ITPR1: variants seen among roughly 807,000 people sequenced by gnomAD.
ITPR1 encodes the protein inositol 1,4,5-trisphosphate-gated calcium channel ITPR1.
A neutral mutation model predicts 318.4 loss-of-function variants in ITPR1; 96 were observed. That is an observed-to-expected ratio of 0.30 (90% CI 0.26 to 0.36). ITPR1 has a LOEUF of 0.36. Ranked by LOEUF, ITPR1 falls within the 10% of genes least tolerant of loss-of-function variation. ITPR1 has a pLI of 1.00. For synonymous variants in ITPR1, 1,312 were observed against 1,289.9 expected (o/e 1.02, Z -0.37); for missense variants, 2,440 against 3,460.2 (o/e 0.71, Z 7.40).
At chr3:4,765,826 AAAAC>A (rs1274722881) in intron 44 of ITPR1, among the ~76,000 whole-genome samples, 1 of 152,214 alleles carries the variant, frequency 6.6e-6, no homozygotes, top group Non-Finnish European at 1.5e-5. Flanking sequence ...AGAGGGTCCA[AAAAC>A]AAATGTGTAT....
chr3:4,543,099 C>A (rs1045283471), intron 4 of ITPR1, among the ~76,000 whole-genome samples: 2 of 151,852 alleles, frequency 1.3e-5, no homozygotes, highest in African/African-American at 4.8e-5. Flanking sequence ...AAAGACTGAT[C>A]CGTGTTTGAA....
Position 4,653,970 on chromosome 3 carries a change from G to T in ITPR1, c.996+84G>T, listed in dbSNP as rs1304120169. 7.2e-6 allele frequency: 7 copies of T among 974,332 alleles called. No homozygotes were observed. The East Asian group carries it at 1.8e-4, about 25-fold the overall frequency. The allele number at this position is 974,332 out of a possible 1,614,324, so 60.4% of individuals were successfully genotyped here. On this transcript the variant is annotated intron_variant, in intron 12 of 61. Coordinates refer to ENST00000649015, the MANE Select transcript of ITPR1 (RefSeq NM_001378452.1). ...GAGCTCCATTTAAGAAACTGTCACT[G>T]TGGTCACGGAGTGCTGGGGAAGGAG...
intron 4 of ITPR1, among the ~76,000 whole-genome samples, chr3:4,589,870 G>A (rs1191518294): frequency 6.6e-6 from 1 of 152,166 alleles, no homozygotes; most frequent in Non-Finnish European, 1.5e-5. Context: ...GAGAACAGCT[G>A]TATGAGAAGA....
chr3:4,775,894 T>A (rs1424545959), intron 47 of ITPR1, among the ~76,000 whole-genome samples: 1 of 152,178 alleles, frequency 6.6e-6, no homozygotes, highest in Non-Finnish European at 1.5e-5. Flanking sequence ...TTTTTATAGT[T>A]GAGATTTAAA....
chr3:4,818,346 T>A, intron 60 of ITPR1, 104 bp downstream of exon 60: 1 of 902,744 alleles, frequency 1.1e-6, no homozygotes, highest in South Asian at 2.4e-5. Flanking sequence ...AAGAATAACA[T>A]CCGATGTTGC....
chr3:4,842,540 G>C (rs1027888191), intron 61 of ITPR1, among the ~76,000 whole-genome samples: 7 of 152,194 alleles, frequency 4.6e-5, no homozygotes, highest in East Asian at 3.9e-4. Flanking sequence ...GCTAATTTTT[G>C]TATTTTTAGT....
intron 44 of ITPR1, among the ~76,000 whole-genome samples, chr3:4,745,770 C>T (rs2044060661): frequency 6.6e-6 from 1 of 152,196 alleles, no homozygotes; most frequent in South Asian, 2.1e-4. Flanking sequence ...GGCATCTCCA[C>T]TTGTGTTAGC....
chr3:4,646,185 A>G (rs1465473319), intron 10 of ITPR1, among the ~76,000 whole-genome samples: 23 of 152,254 alleles, frequency 1.5e-4, no homozygotes, highest in Admixed American at 1.4e-3. Flanking sequence ...GTGATGGGGC[A>G]GAAATGAGAA....
intron 61 of ITPR1, among the ~76,000 whole-genome samples, chr3:4,843,814 G>A (rs1338224553): frequency 2.0e-5 from 3 of 152,092 alleles, no homozygotes; most frequent in African/African-American, 7.2e-5. Flanking sequence ...CCGCGGCTGT[G>A]GAAGTGAAAA....
chr3:4,691,996 T>A (rs1435778266), intron 32 of ITPR1, among the ~76,000 whole-genome samples: 5 of 151,908 alleles, frequency 3.3e-5, no homozygotes, highest in South Asian at 2.1e-4. Flanking sequence ...CTACAAAAAA[T>A]TTTAAAAATT....
chr3:4,682,474 G>T (rs2094319456), intron 26 of ITPR1, among the ~76,000 whole-genome samples: 1 of 152,178 alleles, frequency 6.6e-6, no homozygotes, highest in Admixed American at 6.5e-5. Flanking sequence ...GACTACATAA[G>T]GGTTTGAACA....
intron 11 of ITPR1, 68 bp downstream of exon 11, chr3:4,652,286 T>C: frequency 9.0e-7 from 1 of 1,114,502 alleles, no homozygotes; most frequent in Non-Finnish European, 1.3e-6. Context: ...CTCATTCGCC[T>C]GTAGCCGTCG....
chr3:4,715,357 C>G (rs1226600836), intron 39 of ITPR1, among the ~76,000 whole-genome samples: 2 of 152,216 alleles, frequency 1.3e-5, no homozygotes, highest in Admixed American at 6.5e-5. Flanking sequence ...ACTTAAACAT[C>G]TAGTCTTCAG....
At chr3:4,684,257 A>C (rs960218834) in intron 28 of ITPR1, 24 bp from the exon 29 acceptor site, 2 of 1,544,586 alleles carry the variant, frequency 1.3e-6, no homozygotes. Flanking sequence ...TACAGATCAC[A>C]CTTGTGTTCA....
chr3:4,815,087 T>C lies in ITPR1; in HGVS notation c.7736T>C (p.Leu2579Pro). ...PLFAARVIYD[L>P]LFFFMVIIIV... ...TTTGCTGCTAGAGTTATTTATGACC[T>C]CTTGTTCTTCTTCATGGTCATCATC... The change falls in exon 59 of 62, where the codon CTC becomes CCC. Residue 2579 changes from leucine to proline, a missense_variant. This residue lies in a region of ITPR1 where 72 missense variants were observed against 197.7 expected (regional missense o/e 0.36). Coordinates refer to ENST00000649015, the MANE Select transcript of ITPR1 (RefSeq NM_001378452.1). The C allele has an allele frequency of 6.2e-7, 1 of 1,613,838 alleles. No homozygotes were observed. Among genetic ancestry groups the C allele is most frequent in the Non-Finnish European group, 8.5e-7 (1 of 1,179,750 alleles).
intron 54 of ITPR1, among the ~76,000 whole-genome samples, chr3:4,804,710 C>T (rs1031643045): frequency 6.6e-6 from 1 of 152,304 alleles, no homozygotes. Flanking sequence ...ATCAGTGATA[C>T]TTTCCCACCC....
At chr3:4,522,871 C>A (rs2082672023) in intron 4 of ITPR1, among the ~76,000 whole-genome samples, 1 of 152,206 alleles carries the variant, frequency 6.6e-6, no homozygotes, top group Non-Finnish European at 1.5e-5. Flanking sequence ...TCTGAGGTCA[C>A]ATGGCTGGTG....
intron 4 of ITPR1, among the ~76,000 whole-genome samples, chr3:4,544,744 T>G (rs2124983552): frequency 6.6e-6 from 1 of 152,306 alleles, no homozygotes; most frequent in South Asian, 2.1e-4. Flanking sequence ...GTGATGGCGT[T>G]GGCAGAGGGT....
chr3:4,628,632 C>T (rs561593372), intron 5 of ITPR1, among the ~76,000 whole-genome samples: 81 of 152,268 alleles, frequency 5.3e-4, no homozygotes, highest in African/African-American at 1.8e-3. Flanking sequence ...ATTTTCTCCC[C>T]GTCATGTAAC....
Sources: allele counts gnomAD v4.1 joint callset (sites outside exome capture counted in the v4.1 genomes callset), GRCh38; gene constraint gnomAD v4.1.1; regional missense constraint gnomAD v4.1.1; transcripts MANE v1.5; gene names NCBI Gene and HGNC (gene_info 2026-07-23, HGNC 2026-07-21).